Variants in PLCB4 observed in about 807,000 individuals in gnomAD.
PLCB4 encodes the protein phospholipase C beta 4.
A neutral mutation model predicts 178.8 loss-of-function variants in PLCB4; 77 were observed. The observed-to-expected ratio is 0.43, with a 90% CI of 0.36 to 0.52. PLCB4 has a LOEUF of 0.52. Among genes scored for constraint, PLCB4 ranks in the 20% least tolerant of loss-of-function variants. The pLI, the probability that PLCB4 is intolerant of heterozygous loss-of-function variation, is 0.00. For missense variants in PLCB4, 1,024 were observed against 1,453.4 expected (o/e 0.70, Z 4.80); for synonymous variants, 496 against 490.8 (o/e 1.01, Z -0.14).
intron 3 of PLCB4, among the ~76,000 whole-genome samples, chr20:9,220,011 C>CA (rs2093778724): frequency 6.7e-6 from 1 of 148,608 alleles, no homozygotes; most frequent in African/African-American, 2.5e-5. Flanking sequence ...TTCAATTTAG[C>CA]TTTTTTTTTT....
intron 2 of PLCB4, among the ~76,000 whole-genome samples, chr20:9,185,169 C>G (rs931210511): frequency 2.6e-5 from 4 of 152,174 alleles, no homozygotes; most frequent in Non-Finnish European, 5.9e-5. Flanking sequence ...TCCCAAGTTG[C>G]TTGGATTATA....
At chr20:9,457,517 T>A (rs115275420) in intron 34 of PLCB4, 28 bp downstream of exon 34, 8 of 1,053,624 alleles carry the variant, frequency 7.6e-6, no homozygotes, top group Non-Finnish European at 1.2e-5. Context: ...TTTACAGCAG[T>A]GACTTGCAGA....
chr20:9,105,032 G>T (rs2091310190), intron 2 of PLCB4, among the ~76,000 whole-genome samples: 1 of 151,940 alleles, frequency 6.6e-6, no homozygotes. Context: ...TATGTAACAA[G>T]TGCTTGATTT....
intron 2 of PLCB4, among the ~76,000 whole-genome samples, chr20:9,196,284 T>A (rs999189112): frequency 7.2e-5 from 11 of 152,160 alleles, no homozygotes; most frequent in African/African-American, 2.7e-4. Context: ...CAGAGTGCCC[T>A]GACAATGGAA....
intron 14 of PLCB4, among the ~76,000 whole-genome samples, chr20:9,385,659 G>A (rs2037557856): frequency 6.7e-6 from 1 of 149,506 alleles, no homozygotes. Flanking sequence ...CTCCCAGATG[G>A]GGTGGTGGCC....
intron 28 of PLCB4, among the ~76,000 whole-genome samples, chr20:9,430,957 C>G (rs1286433684): frequency 6.6e-6 from 1 of 152,090 alleles, no homozygotes; most frequent in Non-Finnish European, 1.5e-5. Flanking sequence ...AATTTTTTTC[C>G]CCTCAATTAC....
rs142190244 is a variant in PLCB4 at position 9,257,566 on chromosome 20, C to G, written c.-16+40114C>G. Among the ~76,000 whole-genome samples the G allele has an allele frequency of 3.7e-3, 569 of 152,234 alleles. 1 individual carries two copies. Among genetic ancestry groups the G allele is most frequent in the Non-Finnish European group, 6.4e-3 (438 of 68,012 alleles). The stretch of plus-strand genomic sequence containing the variant: ...ATTTTAATCCAAATGTTTCATGGTT[C>G]TTTGGGCTTCCAAGATGACAGGCTC... On this transcript the variant is annotated intron_variant, in intron 3 of 39. Coordinates refer to ENST00000378473, the MANE Select transcript of PLCB4 (RefSeq NM_001377142.1).
At chr20:9,418,299 T>G (rs1318497073) in intron 25 of PLCB4, among the ~76,000 whole-genome samples, 1 of 152,184 alleles carries the variant, frequency 6.6e-6, no homozygotes, top group South Asian at 2.1e-4. Context: ...TGCATTTAGT[T>G]ATTTTATCCT....
intron 32 of PLCB4, among the ~76,000 whole-genome samples, chr20:9,450,868 C>T (rs2042728182): frequency 6.6e-6 from 1 of 151,868 alleles, no homozygotes; most frequent in Admixed American, 6.6e-5. Flanking sequence ...AGGCTAGTCT[C>T]GAACTCCTGA....
At position 9,415,293 on chromosome 20, in the gene PLCB4, T is replaced by C. The variant is rs530866723; in HGVS notation, c.2051+4205T>C. ...TTTTATATTAGGTTCTATTTTAATA[T>C]TTTTGGAACAGAGTTGACCAGGGGT... On this transcript the variant is annotated intron_variant, in intron 25 of 39. Transcript: ENST00000378473. Among the ~76,000 whole-genome samples the C allele has an allele frequency of 2.1e-3, 321 of 152,340 alleles. 1 individual carries two copies. Among genetic ancestry groups the C allele is most frequent in the African/African-American group, 7.5e-3 (311 of 41,586 alleles).
rs76607801 is a variant in PLCB4, at chr20:9,196,675, A to T, written c.-78-20715A>T. ...AGGGGTAGCCAAAACTACTCATGTG[A>T]TCCTTGAGCAGGTTATTAACCTCTT... On this transcript the variant is annotated intron_variant, in intron 2 of 39. Transcript: ENST00000378473. 5.6e-4 allele frequency among the ~76,000 whole-genome samples: 85 copies of T among 152,280 alleles called. 4 individuals are homozygous for T. The East Asian group carries it at 0.015, about 27-fold the overall frequency.
intron 1 of PLCB4, among the ~76,000 whole-genome samples, chr20:9,073,195 C>G (rs2089658290): frequency 6.6e-6 from 1 of 152,142 alleles, no homozygotes; most frequent in Non-Finnish European, 1.5e-5. Flanking sequence ...ATTGAAGTAG[C>G]CATTTCCTTA....
chr20:9,431,278 C>T (rs1434001206), intron 28 of PLCB4, among the ~76,000 whole-genome samples: 1 of 151,946 alleles, frequency 6.6e-6, no homozygotes, highest in African/African-American at 2.4e-5. Context: ...TCTCTCCCTT[C>T]TTATAGCGAC....
At chr20:9,230,139 G>T (rs1420961950) in intron 3 of PLCB4, among the ~76,000 whole-genome samples, 1 of 152,072 alleles carries the variant, frequency 6.6e-6, no homozygotes, top group Non-Finnish European at 1.5e-5. Context: ...TGTTTGCTGT[G>T]TACACTCACA....
chr20:9,307,137 C>T (rs1221893471), intron 3 of PLCB4, among the ~76,000 whole-genome samples: 4 of 152,122 alleles, frequency 2.6e-5, no homozygotes, highest in Non-Finnish European at 4.4e-5. Flanking sequence ...ACATTGTGAA[C>T]ACCCCGAGGC....
At chr20:9,236,299 C>A (rs2093992077) in intron 3 of PLCB4, among the ~76,000 whole-genome samples, 1 of 152,174 alleles carries the variant, frequency 6.6e-6, no homozygotes, top group Non-Finnish European at 1.5e-5. Context: ...ACCCCTCCAA[C>A]CCTGCCAACC....
chr20:9,296,311 A>G (rs1006532267), intron 3 of PLCB4, among the ~76,000 whole-genome samples: 5 of 152,230 alleles, frequency 3.3e-5, no homozygotes, highest in African/African-American at 4.8e-5. Context: ...CAATTGAGAT[A>G]CCATCTCACA....
At chr20:9,373,335 G>T (rs1452935204) in intron 12 of PLCB4, among the ~76,000 whole-genome samples, 2 of 152,132 alleles carry the variant, frequency 1.3e-5, no homozygotes, top group African/African-American at 2.4e-5. Context: ...GCTGTTACAT[G>T]TAGCTCTGGT....
chr20:9,418,824 G>A (rs1281583079), intron 25 of PLCB4, among the ~76,000 whole-genome samples: 1 of 152,020 alleles, frequency 6.6e-6, no homozygotes, highest in East Asian at 1.9e-4. Flanking sequence ...CATTTATTTA[G>A]CTCTTCTTTA....
Sources: allele counts gnomAD v4.1 joint callset (sites outside exome capture counted in the v4.1 genomes callset), GRCh38; gene constraint gnomAD v4.1.1; transcripts MANE v1.5; gene names NCBI Gene and HGNC (gene_info 2026-07-23, HGNC 2026-07-21).